KIF1C: variants seen among roughly 807,000 people sequenced by gnomAD.
KIF1C encodes the protein kinesin family member 1C, also known as kinesin-like protein KIF1C.
Under a neutral mutation model 126.5 loss-of-function variants are expected in KIF1C, and 61 were observed. The ratio of observed to expected loss-of-function variants is 0.48; its 90% CI spans 0.39 to 0.60. The LOEUF (loss-of-function observed/expected upper bound fraction) is 0.60, where lower values mean the gene tolerates loss of function less well. KIF1C is among the 20% of genes least tolerant of loss of function. The pLI is 0.00. For synonymous variants in KIF1C, 640 were observed against 580.6 expected (o/e 1.10, Z -1.47); for missense variants, 1,315 against 1,489.2 (o/e 0.88, Z 1.93).
chr17:5,000,368 G>C lies in KIF1C; in HGVS notation c.106+16G>C. 1 of 1,516,734 alleles carries C rather than the reference G, an allele frequency of 6.6e-7. No individual in the cohort carries two copies. Among genetic ancestry groups the C allele is most frequent in the Non-Finnish European group, 9.0e-7 (1 of 1,114,394 alleles). The allele number at this position is 1,516,734 out of a possible 1,614,324, so 94.0% of individuals were successfully genotyped here. ...AACACCACCTGTGAGTGAGTCCCCG[G>C]GGCCTGGCTGGGCACAGGCAGGGAA... On this transcript the variant is annotated intron_variant, in intron 3 of 22. Coordinates refer to ENST00000320785, the MANE Select transcript of KIF1C (RefSeq NM_006612.6).
In KIF1C at chr17:5,020,461, C is replaced by A; in HGVS notation, c.1751-31C>A. ...GGATGGATTTGGTGCTGATGGGAAG[C>A]GAGTTTACTTTTCCCTCCTCCCATC... On this transcript the variant is annotated intron_variant, in intron 19 of 22. Transcript: ENST00000320785. The surrounding 1 kb of genome is among the most constrained non-coding windows in gnomAD (Gnocchi z 5.8). 1 of 1,578,974 alleles carries A rather than the reference C, an allele frequency of 6.3e-7. No homozygotes were observed. The highest frequency in any genetic ancestry group is 8.6e-7 in the Non-Finnish European group (1 of 1,158,290).
chr17:5,022,093 A>G lies in KIF1C; in HGVS notation c.2012A>G (p.Tyr671Cys), dbSNP rs1237589868. Reference sequence around the variant, plus strand: ...TCCTCTTTCTTTCTCTGGCCCCAGTATGCAGACTCGGACAGCGGGGATGAC... The same window carrying G: ...TCCTCTTTCTTTCTCTGGCCCCAGTGTGCAGACTCGGACAGCGGGGATGAC... ...ADLLLEQQRL[Y>C]ADSDSGDDSD... The change falls in exon 22 of 23, where the codon TAT (tyrosine) becomes TGT (cysteine). Residue 671 changes from tyrosine (Y) to cysteine (C), a missense_variant and splice_region_variant. Around this residue, in one of 2 missense-constraint regions of KIF1C, gnomAD observed 874 missense variants for 1,053.2 expected, o/e 0.83. Coordinates refer to ENST00000320785, the MANE Select transcript of KIF1C (RefSeq NM_006612.6). The surrounding 1 kb of genome is among the most constrained non-coding windows in gnomAD (Gnocchi z 4.9). 2.5e-6 allele frequency: 4 copies of G among 1,597,678 alleles called. No individual in the cohort carries two copies. The highest frequency in any genetic ancestry group is 2.7e-5 in the African/African-American group (2 of 74,590).
At chr17:5,001,545 C>A in intron 5 of KIF1C, 144 bp downstream of exon 5, 1 of 813,964 alleles carries the variant, frequency 1.2e-6, no homozygotes, top group Non-Finnish European at 1.9e-6. Context: ...TGACTGCAAG[C>A]TGGACAACCC....
At chr17:5,006,828 C>T in intron 13 of KIF1C, 87 bp from the exon 14 acceptor site, 4 of 1,361,258 alleles carry the variant, frequency 2.9e-6, no homozygotes, top group Non-Finnish European at 4.1e-6. Flanking sequence ...ACAGACTGGT[C>T]CTCTGTGAAG....
intron 16 of KIF1C, among the ~76,000 whole-genome samples, chr17:5,010,101 A>G (rs956660880): frequency 6.6e-6 from 1 of 151,902 alleles, no homozygotes; most frequent in Non-Finnish European, 1.5e-5. Context: ...TAATTTTTGT[A>G]TTTTAGTAGA....
rs114024655 is a variant in KIF1C at position 5,020,771 on chromosome 17, A to G, written c.1938-35A>G. 1.4e-4 allele frequency: 223 copies of G among 1,599,004 alleles called. No homozygotes were observed. In the African/African-American group the frequency reaches 2.4e-3, roughly 17 times the overall value. On this transcript the variant is annotated intron_variant, in intron 20 of 22. Transcript: ENST00000320785. This position sits in a 1 kb window ranked among gnomAD's most constrained non-coding sequence, Gnocchi z 5.8. ...TCCTCCTCTTGTCAGATACTCACCA[A>G]GGTTGCTCTTCCTTCCCTCCCTGTC...
intron 13 of KIF1C, 42 bp from the exon 14 acceptor site, chr17:5,006,873 T>C (rs761085387): frequency 3.1e-5 from 50 of 1,605,662 alleles, no homozygotes; most frequent in African/African-American, 4.0e-5. Context: ...ATCAGCTCCT[T>C]CTTTCCTTAG....
chr17:5,014,238 G>A (rs1288081983), intron 17 of KIF1C: 1 of 169,246 alleles, frequency 5.9e-6, no homozygotes, highest in Non-Finnish European at 1.3e-5. Context: ...TGGGTAGGGA[G>A]TGAGCTCTCA....
intron 16 of KIF1C, among the ~76,000 whole-genome samples, chr17:5,010,356 C>T (rs1296953581): frequency 6.6e-6 from 1 of 152,004 alleles, no homozygotes; most frequent in Non-Finnish European, 1.5e-5. Context: ...TTCCTTGATA[C>T]TACAAAAAAA....
intron 21 of KIF1C, among the ~76,000 whole-genome samples, chr17:5,021,552 T>C (rs1423027823): frequency 6.6e-6 from 1 of 151,980 alleles, no homozygotes; most frequent in Non-Finnish European, 1.5e-5. Flanking sequence ...TGATCATAGC[T>C]CACTGCAGCC....
chr17:5,015,503 C>G (rs1306899702), intron 18 of KIF1C, among the ~76,000 whole-genome samples: 3 of 149,548 alleles, frequency 2.0e-5, no homozygotes, highest in Admixed American at 1.3e-4. Flanking sequence ...AGGCTGGTCT[C>G]GAACTCCTGA....
At position 5,007,036 on chromosome 17, in the gene KIF1C, C is replaced by A. The variant is rs756022105; in HGVS notation, c.1287C>A (p.Pro429=). The change falls in exon 14 of 23, where the codon CCC becomes CCA. Residue 429 remains proline (P), a synonymous_variant. Transcript: ENST00000320785. ...HNGELEPSFS[P]NTESQIGPEE... ...GGGAGCTGGAGCCGTCATTCTCCCCCAACACGGAGTCCCAGATTGGGCCTG... is the reference window on the plus strand; with the variant it reads ...GGGAGCTGGAGCCGTCATTCTCCCCAAACACGGAGTCCCAGATTGGGCCTG... 2 of 1,607,594 alleles carry A rather than the reference C, an allele frequency of 1.2e-6. No homozygotes were observed. The highest frequency in any genetic ancestry group is 1.7e-6 in the Non-Finnish European group (2 of 1,178,192).
chr17:5,027,109 T>A lies in KIF1C; in HGVS notation c.*2958T>A, dbSNP rs1975221342. 6.6e-6 allele frequency: 1 copy of A among 152,182 alleles called. No homozygotes were observed. The highest frequency in any genetic ancestry group is 1.5e-5 in the Non-Finnish European group (1 of 68,046). 9.4% of individuals were successfully genotyped at this position (152,182 alleles called of 1,614,324 possible). A position where few individuals can be genotyped will look rare whatever the true frequency, so the allele number is the denominator to read the frequency against. The stretch of plus-strand genomic sequence containing the variant: ...GTCTGCATTTTTCAGATGGGAAGAC[T>A]GAGGTTTTGTTTATTTATTTTTATT... On this transcript the variant is annotated 3_prime_UTR_variant, in exon 23 of 23. Transcript: ENST00000320785.
In KIF1C at chr17:5,019,914, G is replaced by A. The variant is rs1975052221; in HGVS notation, c.1667-82G>A. The stretch of plus-strand genomic sequence containing the variant: ...GGTGGTGCATGTGTGGTTTTTTGGG[G>A]TAAGGCAAGGTGGGAATCTGTGACC... On this transcript the variant is annotated intron_variant, in intron 18 of 22. Coordinates refer to ENST00000320785, the MANE Select transcript of KIF1C (RefSeq NM_006612.6). The A allele has an allele frequency of 3.5e-6, 4 of 1,134,272 alleles. No individual in the cohort carries two copies. The South Asian group carries it at 5.3e-5, about 15-fold the overall frequency. The allele number at this position is 1,134,272 out of a possible 1,614,324, so 70.3% of individuals were successfully genotyped here.
rs1436040207 is a variant in KIF1C, at chr17:5,028,240, TC to T, written c.*4090del. 13 of 152,364 alleles carry T rather than the reference TC, an allele frequency of 8.5e-5. No homozygotes were observed. The highest frequency in any genetic ancestry group is 7.8e-4 in the Admixed American group (12 of 15,300). 9.4% of individuals were successfully genotyped at this position (152,364 alleles called of 1,614,324 possible). The stretch of plus-strand genomic sequence containing the variant: ...TTCTTGGAAATTAATTTGCTTTTCT[TC>T]ATTGTCTTTCTTTGGAGCTGCTTTC... On this transcript the variant is annotated 3_prime_UTR_variant, in exon 23 of 23. Coordinates refer to ENST00000320785, the MANE Select transcript of KIF1C (RefSeq NM_006612.6).
At chr17:5,000,971 C>T in intron 4 of KIF1C, 123 bp downstream of exon 4, 1 of 1,073,838 alleles carries the variant, frequency 9.3e-7, no homozygotes, top group South Asian at 1.3e-5. Context: ...GGAGGATGAT[C>T]CTGGGTGGGG....
intron 16 of KIF1C, chr17:5,011,932 C>G (rs550296443): frequency 6.6e-6 from 1 of 152,316 alleles, no homozygotes; most frequent in Non-Finnish European, 1.5e-5. Context: ...CCATTAAGTC[C>G]TCCTGATCCC....
intron 18 of KIF1C, among the ~76,000 whole-genome samples, chr17:5,018,934 G>A (rs1473655504): frequency 6.6e-6 from 1 of 152,044 alleles, no homozygotes; most frequent in Non-Finnish European, 1.5e-5. Context: ...GATGGGAAAT[G>A]AAGAAAAGGT....
Position 5,023,790 on chromosome 17 carries a change from AC to A in KIF1C, c.2956del (p.Gln986SerfsTer102). The A allele has an allele frequency of 6.6e-7, 1 of 1,518,704 alleles. No individual in the cohort carries two copies. The highest frequency in any genetic ancestry group is 1.3e-5 in the South Asian group (1 of 75,406). 94.1% of individuals were successfully genotyped at this position (1,518,704 alleles called of 1,614,324 possible). ...DCKLRFPFKS[N>X]PQHRESWPGM... ...AAGCTACGCTTCCCCTTCAAGAGCA[AC>A]CCCCAGCACCGGGAGTCTTGGCCAG... On this transcript the variant is annotated frameshift_variant, in exon 23 of 23. Coordinates refer to ENST00000320785, the MANE Select transcript of KIF1C (RefSeq NM_006612.6). LOFTEE classifies it high-confidence loss of function. The surrounding 1 kb of genome is among the most constrained non-coding windows in gnomAD (Gnocchi z 4.2).
Sources: allele counts gnomAD v4.1 joint callset (sites outside exome capture counted in the v4.1 genomes callset), GRCh38; gene constraint gnomAD v4.1.1; regional missense constraint gnomAD v4.1.1; non-coding constraint Gnocchi (gnomAD v3.1); transcripts MANE v1.5; gene names NCBI Gene and HGNC (gene_info 2026-07-23, HGNC 2026-07-21).